Variants in TCF7L2 observed in about 807,000 individuals in gnomAD.
TCF7L2 encodes transcription factor 7 like 2, also known as transcription factor 7-like 2.
TCF7L2 carries 23 observed loss-of-function variants against 77.9 expected under a neutral mutation model. The ratio of observed to expected loss-of-function variants is 0.30; its 90% CI spans 0.21 to 0.42. The LOEUF is 0.42. Ranked by LOEUF, TCF7L2 falls within the 10% of genes least tolerant of loss-of-function variation. The pLI is 1.00. For missense variants in TCF7L2, 654 were observed against 793.1 expected, an observed-to-expected ratio of 0.82 and a Z score of 2.11; for synonymous variants, 413 against 340.2, an observed-to-expected ratio of 1.21 and a Z score of -2.36.
Position 113,137,588 on chromosome 10 carries a change from G to A in TCF7L2, c.553-3596G>A, listed in dbSNP as rs192257394. Among the ~76,000 whole-genome samples, 15 of 152,302 alleles carry A rather than the reference G, an allele frequency of 9.8e-5. No homozygotes were observed. In the East Asian group the frequency reaches 2.3e-3, roughly 24 times the overall value. On this transcript the variant is annotated intron_variant, in intron 5 of 13. Transcript: ENST00000627217. ...AGTTGCCCCTAAAACCCTTTTAAAG[G>A]CACAGTTGTAATTGAGATAGTGTCT...
chr10:113,066,555 G>A (rs1169669082), intron 5 of TCF7L2, among the ~76,000 whole-genome samples: 2 of 152,158 alleles, frequency 1.3e-5, no homozygotes, highest in African/African-American at 4.8e-5. Context: ...TAAAAGCTGT[G>A]CTGTTTGGAG....
chr10:113,132,687 C>T (rs1315028852), intron 5 of TCF7L2, among the ~76,000 whole-genome samples: 1 of 152,178 alleles, frequency 6.6e-6, no homozygotes, highest in African/African-American at 2.4e-5. Context: ...TACTCTCTTA[C>T]CCAATTCCCA....
intron 5 of TCF7L2, among the ~76,000 whole-genome samples, chr10:113,127,866 C>CTT (rs34638595): frequency 0.016 from 1,733 of 110,058 alleles, 19 homozygotes; most frequent in African/African-American, 0.021. Context: ...TTGCTGCGTC[C>CTT]TTTTTTTTTT....
Position 112,966,177 on chromosome 10 carries a change from AATATATTTATATATATATATAT to A in TCF7L2, c.450+1560_450+1581del, listed in dbSNP as rs1428882880. ...GTGACAAGAGTGAGACTCTGTCTAAAATATATTTATATATATATATATATATATATATATTTTCTTTTCTTGA... is the reference window on the plus strand; with the variant it reads ...GTGACAAGAGTGAGACTCTGTCTAAAATATATATATATTTTCTTTTCTTGA... On this transcript the variant is annotated intron_variant, in intron 4 of 13. Transcript: ENST00000627217. Among the ~76,000 whole-genome samples, 109 of 45,144 alleles carry A rather than the reference AATATATTTATATATATATATAT, an allele frequency of 2.4e-3. 6 individuals carry two copies. Among genetic ancestry groups the A allele is most frequent in the African/African-American group, 0.014 (103 of 7,602 alleles). 29.6% of individuals were successfully genotyped at this position (45,144 alleles called of 152,430 possible). A position where few individuals can be genotyped will look rare whatever the true frequency, so the allele number is the denominator to read the frequency against.
At chr10:113,007,627 A>G (rs928256102) in intron 4 of TCF7L2, among the ~76,000 whole-genome samples, 2 of 152,206 alleles carry the variant, frequency 1.3e-5, no homozygotes, top group Non-Finnish European at 2.9e-5. Flanking sequence ...TTTTCCTGGA[A>G]ATGCACCCCA....
intron 4 of TCF7L2, chr10:112,987,446 T>A (rs2041761900): frequency 6.7e-6 from 1 of 149,064 alleles, no homozygotes; most frequent in African/African-American, 2.5e-5. Flanking sequence ...CCCAAATGCA[T>A]TCAAAATAAA....
chr10:113,046,676 A>G (rs2053523272), intron 5 of TCF7L2, among the ~76,000 whole-genome samples: 1 of 149,480 alleles, frequency 6.7e-6, no homozygotes, highest in South Asian at 2.1e-4. Flanking sequence ...GGAATTGCTA[A>G]TTTTGTATTT....
chr10:112,953,910 C>G (rs948394515), intron 3 of TCF7L2, among the ~76,000 whole-genome samples: 1 of 152,214 alleles, frequency 6.6e-6, no homozygotes, highest in Non-Finnish European at 1.5e-5. Flanking sequence ...ACTTACATGT[C>G]AAACACCAGC....
intron 4 of TCF7L2, 103 bp downstream of exon 4, chr10:112,964,727 A>ATGGTGG (rs1246188630): frequency 1.2e-6 from 1 of 824,364 alleles, no homozygotes; most frequent in African/African-American, 2.0e-5. Flanking sequence ...GATGATGATG[A>ATGGTGG]TGATGATGAT....
At chr10:113,054,016 C>T (rs928104238) in intron 5 of TCF7L2, among the ~76,000 whole-genome samples, 3 of 152,146 alleles carry the variant, frequency 2.0e-5, no homozygotes, top group African/African-American at 7.2e-5. Flanking sequence ...AGGCAGGTTT[C>T]CGGACACCAG....
chr10:113,004,449 C>T (rs2133416491), intron 4 of TCF7L2, among the ~76,000 whole-genome samples: 1 of 152,232 alleles, frequency 6.6e-6, no homozygotes, highest in South Asian at 2.1e-4. Flanking sequence ...ACTTTAAGGT[C>T]CTTGGCTTGT....
chr10:113,092,624 T>A (rs2060513730), intron 5 of TCF7L2, among the ~76,000 whole-genome samples: 1 of 152,210 alleles, frequency 6.6e-6, no homozygotes, highest in African/African-American at 2.4e-5. Flanking sequence ...GTCATGCCTG[T>A]AATCCCAGCA....
At chr10:113,022,091 G>A (rs2048346673) in intron 4 of TCF7L2, among the ~76,000 whole-genome samples, 1 of 152,226 alleles carries the variant, frequency 6.6e-6, no homozygotes, top group African/African-American at 2.4e-5. Flanking sequence ...GAAGTGACAG[G>A]TTTTCTTTGA....
At chr10:113,061,900 A>C (rs909411446) in intron 5 of TCF7L2, among the ~76,000 whole-genome samples, 3 of 152,220 alleles carry the variant, frequency 2.0e-5, no homozygotes, top group African/African-American at 7.2e-5. Context: ...TTTCTAAAAG[A>C]ATCTCTTTGG....
chr10:113,103,255 A>G lies in TCF7L2; in HGVS notation c.553-37929A>G, dbSNP rs1315279012. Among the ~76,000 whole-genome samples the G allele has an allele frequency of 2.0e-5, 3 of 152,218 alleles. No individual in the cohort carries two copies. In the East Asian group the frequency reaches 5.8e-4, roughly 29 times the overall value. Reference sequence around the variant, plus strand: ...GGGCCCAGCTGTATGAGAAGCTCAGAGCACACAGATGCTGTCCAGATATGC... The same window carrying G: ...GGGCCCAGCTGTATGAGAAGCTCAGGGCACACAGATGCTGTCCAGATATGC... On this transcript the variant is annotated intron_variant, in intron 5 of 13. Transcript: ENST00000627217.
intron 5 of TCF7L2, among the ~76,000 whole-genome samples, chr10:113,097,218 A>G (rs1307870919): frequency 1.3e-5 from 2 of 152,180 alleles, no homozygotes; most frequent in South Asian, 2.1e-4. Context: ...AGGGTGACAG[A>G]TGAGAAGTCC....
intron 4 of TCF7L2, among the ~76,000 whole-genome samples, 192 bp from the exon 5 acceptor site, chr10:113,039,833 G>A (rs2052115619): frequency 1.3e-5 from 2 of 151,886 alleles, no homozygotes; most frequent in South Asian, 4.2e-4. Context: ...TTCTATATGT[G>A]TACTTACTGA....
intron 5 of TCF7L2, among the ~76,000 whole-genome samples, chr10:113,078,694 G>A (rs1444879016): frequency 2.0e-5 from 3 of 152,096 alleles, no homozygotes; most frequent in Non-Finnish European, 4.4e-5. Context: ...CTTTCTGTAG[G>A]TTGGCTAAGG....
chr10:113,097,646 G>GGAAAAAAAAAAAAAAAAAAAAA (rs1491308139), intron 5 of TCF7L2, among the ~76,000 whole-genome samples: 1 of 36,734 alleles, frequency 2.7e-5, no homozygotes, highest in African/African-American at 1.1e-4. Flanking sequence ...TCTTGTCTCG[G>GGAAAAAAAAAAAAAAAAAAAAA]AAAAAAAAAA....
Sources: allele counts gnomAD v4.1 joint callset (sites outside exome capture counted in the v4.1 genomes callset), GRCh38; gene constraint gnomAD v4.1.1; transcripts MANE v1.5; gene names NCBI Gene and HGNC (gene_info 2026-07-23, HGNC 2026-07-21).